The following TENM3 variants were observed in gnomAD, a reference collection of about 807,000 sequenced individuals.
The protein encoded by TENM3 is teneurin-3.
TENM3 carries 63 observed loss-of-function variants against 255.1 expected under a neutral mutation model. The ratio of observed to expected loss-of-function variants is 0.25; its 90% confidence interval spans 0.20 to 0.30. TENM3 has a LOEUF of 0.30. TENM3 is among the 10% of genes least tolerant of loss of function. TENM3 has a pLI of 1.00. For synonymous variants in TENM3, 1,306 were observed against 1,322.3 expected (o/e 0.99, Z 0.27); for missense variants, 2,929 against 3,461.1 (o/e 0.85, Z 3.86).
At chr4:181,731,480 T>A in the TENM3 span, among the ~76,000 whole-genome samples, 1 of 152,030 alleles carries the variant, frequency 6.6e-6, no homozygotes, top group African/African-American at 2.4e-5. Context: ...GCCTCCCGAG[T>A]AGCTGGGATT....
chr4:181,750,893 T>G, the TENM3 span, among the ~76,000 whole-genome samples: 2 of 152,154 alleles, frequency 1.3e-5, no homozygotes, highest in Admixed American at 1.3e-4. Flanking sequence ...ACCTCTGCAT[T>G]TTTAGAAAAG....
chr4:182,696,511 G>A (rs926565160), intron 12 of TENM3, among the ~76,000 whole-genome samples: 2 of 152,082 alleles, frequency 1.3e-5, no homozygotes, highest in African/African-American at 4.8e-5. Flanking sequence ...TAGATCACGA[G>A]GTCAGGAGAT....
At chr4:182,516,987 G>A (rs1444574980) in intron 3 of TENM3, among the ~76,000 whole-genome samples, 11 of 151,874 alleles carry the variant, frequency 7.2e-5, no homozygotes, top group Non-Finnish European at 8.8e-5. Flanking sequence ...GGAGTAGGAA[G>A]AATGAGTGTA....
At chr4:182,557,107 G>A (rs1049084594) in intron 3 of TENM3, among the ~76,000 whole-genome samples, 4 of 151,958 alleles carry the variant, frequency 2.6e-5, no homozygotes, top group African/African-American at 2.4e-5. Flanking sequence ...AGCTTTTTTC[G>A]GAGAACTTTA....
chr4:182,709,449 A>C (rs1298074911), intron 12 of TENM3, among the ~76,000 whole-genome samples: 2 of 152,180 alleles, frequency 1.3e-5, no homozygotes, highest in Non-Finnish European at 2.9e-5. Flanking sequence ...TTTGCAACCT[A>C]ATATGCATTT....
At chr4:181,483,707 G>A in the TENM3 span, among the ~76,000 whole-genome samples, 3 of 152,048 alleles carry the variant, frequency 2.0e-5, no homozygotes, top group Non-Finnish European at 4.4e-5. Context: ...TGCCAGGGTA[G>A]GTAAATTAAG....
chr4:181,798,768 C>T, the TENM3 span, among the ~76,000 whole-genome samples: 1 of 152,152 alleles, frequency 6.6e-6, no homozygotes, highest in Non-Finnish European at 1.5e-5. Context: ...TACATCAAAA[C>T]TGGCATAAAT....
Position 182,680,253 on chromosome 4 carries a change from G to A in TENM3, c.1543G>A (p.Val515Met). Reference protein sequence around the residue: ...VSFNTIVIESVVECPRNCHGN... With the variant: ...VSFNTIVIESMVECPRNCHGN... ...CTTCTTTCCTTTTTCTTCAGAGTCT[G>A]TGGTGGAATGTCCCCGAAATTGCCA... Residue 515 changes from valine (V) to methionine (M), a missense_variant, in exon 9 of 28, where the codon GTG (valine) becomes ATG (methionine). Physicochemically the swap from Val to Met is conservative, Grantham distance 21. Coordinates refer to ENST00000511685, the MANE Select transcript of TENM3 (RefSeq NM_001080477.4). 6.2e-7 allele frequency: 1 copy of A among 1,611,008 alleles called. No individual in the cohort carries two copies. Among genetic ancestry groups the A allele is most frequent in the East Asian group, 2.2e-5 (1 of 44,874 alleles).
intron 1 of TENM3, among the ~76,000 whole-genome samples, chr4:182,190,056 T>A (rs1753413886): frequency 2.0e-5 from 3 of 152,214 alleles, no homozygotes; most frequent in Admixed American, 1.3e-4. Context: ...TGAACAAGTA[T>A]TATATTTTGA....
At chr4:182,794,157 G>T (rs6817534) in intron 26 of TENM3, among the ~76,000 whole-genome samples, 13 of 151,882 alleles carry the variant, frequency 8.6e-5, no homozygotes, top group African/African-American at 1.2e-4. Flanking sequence ...GGGGAACATG[G>T]GGGACCAAAA....
At chr4:181,678,048 T>G in the TENM3 span, among the ~76,000 whole-genome samples, 1 of 152,116 alleles carries the variant, frequency 6.6e-6, no homozygotes, top group African/African-American at 2.4e-5. Flanking sequence ...TAGCGATTAT[T>G]TTTTGCCCTC....
At chr4:182,365,354 C>T (rs773620267) in intron 3 of TENM3, among the ~76,000 whole-genome samples, 3 of 152,102 alleles carry the variant, frequency 2.0e-5, no homozygotes, top group Non-Finnish European at 4.4e-5. Context: ...TATGTGGCCT[C>T]GATGAGACAG....
the TENM3 span, among the ~76,000 whole-genome samples, chr4:181,715,224 C>T: frequency 1.3e-5 from 2 of 152,166 alleles, no homozygotes; most frequent in African/African-American, 4.8e-5. Flanking sequence ...AGCTCTATTT[C>T]TTTTTGTAGC....
At chr4:182,057,820 T>C in the TENM3 span, among the ~76,000 whole-genome samples, 1 of 152,062 alleles carries the variant, frequency 6.6e-6, no homozygotes, top group Admixed American at 6.6e-5. Flanking sequence ...GAAGCGTCCT[T>C]CACCTCAAAG....
At chr4:182,210,556 C>T (rs529534903) in intron 1 of TENM3, among the ~76,000 whole-genome samples, 335 of 150,046 alleles carry the variant, frequency 2.2e-3, no homozygotes, top group Admixed American at 3.9e-3. Context: ...ATTTCTAAGA[C>T]GTCAGGAATT....
the TENM3 span, among the ~76,000 whole-genome samples, chr4:181,584,797 G>T: frequency 6.6e-6 from 1 of 152,100 alleles, no homozygotes; most frequent in African/African-American, 2.4e-5. Flanking sequence ...ATAGCAACAT[G>T]CACGAACATG....
At chr4:181,474,660 G>A in the TENM3 span, among the ~76,000 whole-genome samples, 1 of 151,678 alleles carries the variant, frequency 6.6e-6, no homozygotes, top group Non-Finnish European at 1.5e-5. Context: ...GCTTGAACCT[G>A]GGAGGCGGAG....
intron 1 of TENM3, among the ~76,000 whole-genome samples, chr4:182,179,725 TTG>T (rs1752727590): frequency 1.3e-5 from 2 of 152,244 alleles, no homozygotes; most frequent in South Asian, 4.1e-4. Context: ...AAAAGCATTT[TTG>T]TGTGTGTATT....
the TENM3 span, among the ~76,000 whole-genome samples, chr4:181,982,684 G>A: frequency 6.6e-6 from 1 of 152,262 alleles, no homozygotes; most frequent in Admixed American, 6.5e-5. Flanking sequence ...GAAGCATCTG[G>A]CTGAATATGG....
Sources: allele counts gnomAD v4.1 joint callset (sites outside exome capture counted in the v4.1 genomes callset), GRCh38; gene constraint gnomAD v4.1.1; transcripts MANE v1.5; gene names NCBI Gene and HGNC (gene_info 2026-07-23, HGNC 2026-07-21).